Variants in JAM2 observed in about 807,000 individuals in gnomAD.
JAM2 encodes the protein junctional adhesion molecule B.
In JAM2, 17 loss-of-function variants were observed where a neutral mutation model predicts 42.0. The observed-to-expected ratio is 0.40, with a 90% CI of 0.28 to 0.61. The LOEUF (loss-of-function observed/expected upper bound fraction) is 0.61. Ranked by LOEUF, JAM2 falls within the 20% of genes least tolerant of loss-of-function variation. JAM2 has a pLI of 0.37. For synonymous variants in JAM2, 118 were observed against 128.6 expected, an observed-to-expected ratio of 0.92 and a Z score of 0.56; for missense variants, 319 against 358.3, an observed-to-expected ratio of 0.89 and a Z score of 0.89.
intron 1 of JAM2, among the ~76,000 whole-genome samples, chr21:25,672,374 C>T (rs1435650981): frequency 6.6e-6 from 1 of 152,214 alleles, no homozygotes; most frequent in African/African-American, 2.4e-5. Context: ...CAGATTCTCA[C>T]AGAATTTCAG....
intron 5 of JAM2, among the ~76,000 whole-genome samples, chr21:25,699,722 CAAAAAAAAAAAAAAAAAA>C (rs59490509): frequency 3.3e-4 from 14 of 41,922 alleles, no homozygotes; most frequent in Non-Finnish European, 1.8e-4. Context: ...GGCTCCGTCT[CAAAAAAAAAAAAAAAAAA>C]AAAAAAAAAA....
At chr21:25,685,508 AAGAG>A (rs1264943911) in intron 2 of JAM2, among the ~76,000 whole-genome samples, 3 of 146,622 alleles carry the variant, frequency 2.0e-5, no homozygotes, top group African/African-American at 7.8e-5. Context: ...CTGGACAACA[AAGAG>A]AGAGAATGTC....
At chr21:25,694,674 T>TA (rs202031178) in intron 4 of JAM2, among the ~76,000 whole-genome samples, 223 of 150,164 alleles carry the variant, frequency 1.5e-3, no homozygotes, top group Middle Eastern at 7.0e-3. Flanking sequence ...TCGCTCTCTC[T>TA]AAAAAAAAAT....
chr21:25,688,693 T>G (rs1446519944), intron 2 of JAM2, among the ~76,000 whole-genome samples: 3 of 152,238 alleles, frequency 2.0e-5, no homozygotes, highest in Non-Finnish European at 1.5e-5. Flanking sequence ...CTTTCTATTT[T>G]CCATTACCTT....
chr21:25,646,544 G>A (rs57240671), intron 1 of JAM2, among the ~76,000 whole-genome samples: 3,089 of 152,030 alleles, frequency 0.02, 109 homozygotes, highest in African/African-American at 0.071. Context: ...CAAAGTGTGT[G>A]AGTGTATGCA....
intron 1 of JAM2, among the ~76,000 whole-genome samples, chr21:25,660,782 A>ATATATATATATATATATATATATTT (rs1555861055): frequency 2.4e-5 from 1 of 41,316 alleles, no homozygotes; most frequent in Non-Finnish European, 3.7e-5. Flanking sequence ...ATATATATAT[A>ATATATATATATATATATATATATTT]TTTTTTTTTT....
At chr21:25,696,432 G>T (rs1193916167) in intron 4 of JAM2, among the ~76,000 whole-genome samples, 2 of 152,034 alleles carry the variant, frequency 1.3e-5, no homozygotes, top group African/African-American at 4.8e-5. Context: ...GAGGGAGAGG[G>T]AGCCCCCTTC....
At chr21:25,660,773 T>TAA (rs2033059744) in intron 1 of JAM2, among the ~76,000 whole-genome samples, 1 of 68,876 alleles carries the variant, frequency 1.5e-5, no homozygotes, top group Non-Finnish European at 2.7e-5. Context: ...TATATATATA[T>TAA]ATATATATAT....
At chr21:25,662,538 C>T (rs940805933) in intron 1 of JAM2, among the ~76,000 whole-genome samples, 1 of 152,136 alleles carries the variant, frequency 6.6e-6, no homozygotes, top group Non-Finnish European at 1.5e-5. Flanking sequence ...ACTGTAGCCT[C>T]AACCTCCTGG....
At chr21:25,691,175 T>C (rs1395157208) in intron 3 of JAM2, among the ~76,000 whole-genome samples, 2 of 152,252 alleles carry the variant, frequency 1.3e-5, no homozygotes, top group Non-Finnish European at 2.9e-5. Flanking sequence ...ATTTCTTTAA[T>C]GTTAAAGAAT....
chr21:25,709,205 C>G (rs1478550027), intron 7 of JAM2, among the ~76,000 whole-genome samples: 1 of 149,106 alleles, frequency 6.7e-6, no homozygotes, highest in African/African-American at 2.4e-5. Flanking sequence ...TGTTTGCTCT[C>G]TTGTTACTTA....
chr21:25,659,639 A>G (rs544048869), intron 1 of JAM2, among the ~76,000 whole-genome samples: 27 of 152,280 alleles, frequency 1.8e-4, no homozygotes, highest in Admixed American at 1.4e-3. Context: ...TTTATTTTTG[A>G]AGGTGGAAAA....
chr21:25,683,384 A>G (rs778523730), intron 1 of JAM2, among the ~76,000 whole-genome samples: 4 of 152,136 alleles, frequency 2.6e-5, no homozygotes, highest in Non-Finnish European at 5.9e-5. Flanking sequence ...ATAATTTCAT[A>G]TACAGCTTAT....
chr21:25,666,351 G>A (rs552457702), intron 1 of JAM2, among the ~76,000 whole-genome samples: 1 of 82,458 alleles, frequency 1.2e-5, no homozygotes, highest in African/African-American at 7.3e-5. Flanking sequence ...TTGAGAAGGA[G>A]TCTTGCTCAG....
intron 1 of JAM2, among the ~76,000 whole-genome samples, chr21:25,659,333 G>A (rs563904390): frequency 1.9e-4 from 28 of 150,480 alleles, no homozygotes; most frequent in Non-Finnish European, 3.0e-4. Flanking sequence ...ATTATTATAC[G>A]TCATGCATTT....
chr21:25,647,322 A>G (rs1030578417), intron 1 of JAM2, among the ~76,000 whole-genome samples: 9 of 152,312 alleles, frequency 5.9e-5, no homozygotes, highest in African/African-American at 1.2e-4. Flanking sequence ...GTTTCCTGCA[A>G]ATGGTTTCAG....
intron 1 of JAM2, among the ~76,000 whole-genome samples, chr21:25,680,090 CTAT>C (rs914401755): frequency 3.3e-5 from 5 of 152,148 alleles, no homozygotes; most frequent in African/African-American, 1.2e-4. Flanking sequence ...TAAATGTTAG[CTAT>C]TATTATCCTT....
chr21:25,708,790 A>C (rs2034324032), intron 7 of JAM2, among the ~76,000 whole-genome samples: 1 of 152,152 alleles, frequency 6.6e-6, no homozygotes, highest in Non-Finnish European at 1.5e-5. Flanking sequence ...TTAGTAAAAA[A>C]ATTTTCCTAA....
At chr21:25,641,982 G>A (rs1157479203) in intron 1 of JAM2, among the ~76,000 whole-genome samples, 1 of 152,058 alleles carries the variant, frequency 6.6e-6, no homozygotes, top group Non-Finnish European at 1.5e-5. Flanking sequence ...GTTTTTTGGA[G>A]GAAGATCAGA....
Sources: allele counts gnomAD v4.1 joint callset (sites outside exome capture counted in the v4.1 genomes callset), GRCh38; gene constraint gnomAD v4.1.1; transcripts MANE v1.5; gene names NCBI Gene and HGNC (gene_info 2026-07-23, HGNC 2026-07-21).